The following RUSC1 variants were observed in gnomAD, a reference collection of about 807,000 sequenced individuals.
RUSC1 encodes the protein RUN and SH3 domain containing 1.
In RUSC1, 40 loss-of-function variants were observed where a neutral mutation model predicts 72.1. The observed-to-expected ratio is 0.55, with a 90% confidence interval of 0.43 to 0.72. The LOEUF (loss-of-function observed/expected upper bound fraction) is 0.72, where lower values mean the gene tolerates loss of function less well. Among genes scored for constraint, RUSC1 ranks in the 30% least tolerant of loss-of-function variants. The pLI is 0.00. For missense variants in RUSC1, 1,092 were observed against 1,172.3 expected, an observed-to-expected ratio of 0.93 and a Z score of 1.00; for synonymous variants, 512 against 494.2, an observed-to-expected ratio of 1.04 and a Z score of -0.48.
At chr1:155,324,325 G>C (rs765382606) in intron 2 of RUSC1, 1,083 of 1,589,968 alleles carry the variant, frequency 6.8e-4, no homozygotes, top group Non-Finnish European at 8.9e-4. Context: ...CGGGACCCGG[G>C]TTTCCCCTTT....
chr1:155,329,324 A>T (rs1651762974), intron 9 of RUSC1, among the ~76,000 whole-genome samples: 1 of 148,636 alleles, frequency 6.7e-6, no homozygotes, highest in African/African-American at 2.5e-5. Context: ...GGCCTCAAGG[A>T]ATCTGCCTAC....
chr1:155,324,576 G>T, intron 2 of RUSC1: 1 of 1,574,058 alleles, frequency 6.4e-7, no homozygotes, highest in Non-Finnish European at 8.6e-7. Context: ...CCGGAGTTCC[G>T]GGATCCTGGA....
intron 2 of RUSC1, chr1:155,324,345 TC>T (rs1650999064): frequency 1.6e-5 from 25 of 1,600,988 alleles, no homozygotes; most frequent in Non-Finnish European, 2.1e-5. Flanking sequence ...TCCGGCGCCT[TC>T]CAGCCTCCCA....
chr1:155,321,581 C>A, intron 1 of RUSC1, 107 bp from the exon 2 acceptor site: 1 of 1,280,308 alleles, frequency 7.8e-7, no homozygotes, highest in Non-Finnish European at 1.1e-6. Context: ...AAATATCTTC[C>A]AAAGCAGCCA....
In RUSC1 at chr1:155,326,406, G is replaced by T. The variant is rs1651413496; in HGVS notation, c.1862-174G>T. 3 of 645,756 alleles carry T rather than the reference G, an allele frequency of 4.6e-6. No individual in the cohort carries two copies. The highest frequency in any genetic ancestry group is 7.9e-6 in the Non-Finnish European group (3 of 380,598). The allele number at this position is 645,756 out of a possible 1,614,324, so 40.0% of individuals were successfully genotyped here. On this transcript the variant is annotated intron_variant, in intron 7 of 9. Coordinates refer to ENST00000368352, the MANE Select transcript of RUSC1 (RefSeq NM_001105203.2). The surrounding 1 kb of genome is among the most constrained non-coding windows in gnomAD (Gnocchi z 4.7). ...GTGTGTGTCTTCCTATTTGGGCTAGGTTCCATGCAGGCGGGGATGTCAGTC... is the reference window on the plus strand; with the variant it reads ...GTGTGTGTCTTCCTATTTGGGCTAGTTTCCATGCAGGCGGGGATGTCAGTC...
chr1:155,325,998 C>T lies in RUSC1; in HGVS notation c.1861+88C>T. 1 of 1,330,534 alleles carries T rather than the reference C, an allele frequency of 7.5e-7. No homozygotes were observed. The highest frequency in any genetic ancestry group is 1.2e-5 in the South Asian group (1 of 85,166). 82.4% of individuals were successfully genotyped at this position (1,330,534 alleles called of 1,614,324 possible). ...CTCTCCTGCTGGTTCCCACTGCTGCCAGAATGCCATTAATCCAGATCTCCG... is the reference window on the plus strand; with the variant it reads ...CTCTCCTGCTGGTTCCCACTGCTGCTAGAATGCCATTAATCCAGATCTCCG... On this transcript the variant is annotated intron_variant, in intron 7 of 9. Coordinates refer to ENST00000368352, the MANE Select transcript of RUSC1 (RefSeq NM_001105203.2). This position sits in a 1 kb window ranked among gnomAD's most constrained non-coding sequence, Gnocchi z 6.5.
rs146326650 is a variant in RUSC1, at chr1:155,325,234, G to C, written c.1533+56G>C. ...TGAGGAGAGTAATGGAGCTCCGCGG[G>C]GGGTGCGGGAATGGTTGGCGGGAGG... On this transcript the variant is annotated intron_variant, in intron 4 of 9. Transcript: ENST00000368352. The surrounding 1 kb of genome is among the most constrained non-coding windows in gnomAD (Gnocchi z 6.5). 1,784 of 1,613,028 alleles carry C rather than the reference G, an allele frequency of 1.1e-3. 2 individuals carry two copies. Among genetic ancestry groups the C allele is most frequent in the Middle Eastern group, 4.8e-3 (29 of 6,060 alleles).
chr1:155,329,114 A>C (rs1651741699), intron 9 of RUSC1, among the ~76,000 whole-genome samples: 1 of 151,474 alleles, frequency 6.6e-6, no homozygotes, highest in Non-Finnish European at 1.5e-5. Context: ...TTTGAGACAG[A>C]GTCTCACTCT....
Position 155,325,991 on chromosome 1 carries a change from C to A in RUSC1, c.1861+81C>A. The A allele has an allele frequency of 1.4e-6, 2 of 1,395,794 alleles. No homozygotes were observed. The highest frequency in any genetic ancestry group is 2.0e-6 in the Non-Finnish European group (2 of 982,064). The allele number at this position is 1,395,794 out of a possible 1,614,324, so 86.5% of individuals were successfully genotyped here. On this transcript the variant is annotated intron_variant, in intron 7 of 9. Transcript: ENST00000368352. The surrounding 1 kb of genome is among the most constrained non-coding windows in gnomAD (Gnocchi z 6.5). The stretch of plus-strand genomic sequence containing the variant: ...AAGAGTTCTCTCCTGCTGGTTCCCA[C>A]TGCTGCCAGAATGCCATTAATCCAG...
At chr1:155,328,125 T>C (rs762415404) in intron 8 of RUSC1, 25 bp from the exon 9 acceptor site, 5 of 1,607,262 alleles carry the variant, frequency 3.1e-6, no homozygotes, top group East Asian at 4.5e-5. Flanking sequence ...TGGGTTGAGC[T>C]GTGACCCTAT....
At chr1:155,324,753 T>C in intron 2 of RUSC1, 92 bp from the exon 3 acceptor site, 2 of 1,604,306 alleles carry the variant, frequency 1.2e-6, no homozygotes, top group Non-Finnish European at 1.7e-6. Flanking sequence ...GACACAGCAC[T>C]GCAGACCCGC....
chr1:155,323,819 C>T, intron 2 of RUSC1: 1 of 699,982 alleles, frequency 1.4e-6, no homozygotes, highest in South Asian at 6.3e-5. Context: ...CTACGTAAGA[C>T]GGACCCGGGC....
chr1:155,324,095 T>C, intron 2 of RUSC1: 1 of 1,178,130 alleles, frequency 8.5e-7, no homozygotes, highest in Non-Finnish European at 1.1e-6. Flanking sequence ...CCATGCCAAG[T>C]CTAGGGGGTC....
In RUSC1 at chr1:155,322,181, C is replaced by T. The variant is rs1650634039; in HGVS notation, c.408C>T (p.Pro136=). Reference sequence around the variant, plus strand: ...GTGATGAGGATGCCCACCCTCAGCCCAGTATCATCCCCCTGGAGCAGGGCT... The same window carrying T: ...GTGATGAGGATGCCCACCCTCAGCCTAGTATCATCCCCCTGGAGCAGGGCT... ...LPGDEDAHPQ[P]SIIPLEQGSP... is the part of the protein sequence containing the mutation. Residue 136 remains proline (P), a synonymous_variant, in exon 2 of 10, where the codon CCC becomes CCT. Coordinates refer to ENST00000368352, the MANE Select transcript of RUSC1 (RefSeq NM_001105203.2). 6.2e-7 allele frequency: 1 copy of T among 1,605,634 alleles called. No individual in the cohort carries two copies. The highest frequency in any genetic ancestry group is 1.3e-5 in the African/African-American group (1 of 74,794).
Position 155,323,050 on chromosome 1 carries a change from A to C in RUSC1, c.1277A>C (p.Glu426Ala). The C allele has an allele frequency of 1.4e-6, 2 of 1,431,506 alleles. No individual in the cohort carries two copies. The highest frequency in any genetic ancestry group is 1.8e-6 in the Non-Finnish European group (2 of 1,092,204). The allele number at this position is 1,431,506 out of a possible 1,614,324, so 88.7% of individuals were successfully genotyped here. Residue 426 changes from glutamate (E) to alanine (A), a missense_variant, in exon 2 of 10, where the codon GAG (glutamate) becomes GCG (alanine). Physicochemically the swap from Glu to Ala is moderately radical, Grantham distance 107. Coordinates refer to ENST00000368352, the MANE Select transcript of RUSC1 (RefSeq NM_001105203.2). ...CAGCCCATAGCGGAGGGGCAGTCCG[A>C]GGAGGGCCGGGCTGTCAGCCCAGCG... Reference protein sequence around the residue: ...GLQPIAEGQSEEGRAVSPAAG... With the variant: ...GLQPIAEGQSAEGRAVSPAAG...
rs184850595 is a variant in RUSC1, at chr1:155,327,362, A to T, written c.2414+230A>T. ...CTAAAATATAGTTATCCCCAGGTAC[A>T]TGTGGGGGATTGGTTCTAGGACCCT... On this transcript the variant is annotated intron_variant, in intron 8 of 9. Transcript: ENST00000368352. Among the ~76,000 whole-genome samples the T allele has an allele frequency of 4.0e-4, 61 of 152,304 alleles. 1 individual carries two copies. The highest frequency in any genetic ancestry group is 3.9e-3 in the Admixed American group (60 of 15,294).
At chr1:155,329,146 G>A (rs983414844) in intron 9 of RUSC1, among the ~76,000 whole-genome samples, 3 of 152,074 alleles carry the variant, frequency 2.0e-5, no homozygotes, top group Non-Finnish European at 4.4e-5. Flanking sequence ...GAGTGTAGTG[G>A]CATGATTTCG....
chr1:155,321,564 C>G (rs765618881), intron 1 of RUSC1, 124 bp from the exon 2 acceptor site: 20 of 1,318,328 alleles, frequency 1.5e-5, no homozygotes, highest in Non-Finnish European at 2.1e-5. Context: ...CGATTTGCAT[C>G]TCATTGAAAT....
Position 155,320,938 on chromosome 1 carries a change from G to A in RUSC1, c.-140G>A. ...CCCGCTCTGTGCCCCGCCGGGCGGGGACCGTGGGAGCCGCGGACAAGCCCA... is the reference window on the plus strand; with the variant it reads ...CCCGCTCTGTGCCCCGCCGGGCGGGAACCGTGGGAGCCGCGGACAAGCCCA... On this transcript the variant is annotated 5_prime_UTR_variant, in exon 1 of 10. Transcript: ENST00000368352. 6.4e-7 allele frequency: 1 copy of A among 1,572,308 alleles called. No individual in the cohort carries two copies. Among genetic ancestry groups the A allele is most frequent in the Non-Finnish European group, 8.6e-7 (1 of 1,157,964 alleles).
Sources: gnomAD v4.1 joint callset for allele counts (sites outside exome capture counted in the v4.1 genomes callset) on GRCh38, gnomAD v4.1.1 for gene constraint, Gnocchi (gnomAD v3.1) non-coding constraint, MANE v1.5 for transcripts, NCBI Gene and HGNC (gene_info 2026-07-23, HGNC 2026-07-21) for gene names.